The following EPCIP variants were observed in gnomAD, a reference collection of about 807,000 sequenced individuals.
EPCIP encodes the protein exosomal polycystin 1 interacting protein.
At chr21:32,809,311 T>C in the EPCIP span, among the ~76,000 whole-genome samples, 16 of 144,654 alleles carry the variant, frequency 1.1e-4, no homozygotes, top group African/African-American at 3.4e-4. Context: ...TTTCTTTCTT[T>C]CTTTCTTTCT....
the EPCIP span, among the ~76,000 whole-genome samples, chr21:32,793,115 G>T: frequency 6.6e-6 from 1 of 151,904 alleles, no homozygotes; most frequent in East Asian, 1.9e-4. Flanking sequence ...GTGCCACCAT[G>T]CCCGGCTAAT....
the EPCIP span, among the ~76,000 whole-genome samples, chr21:32,806,795 G>T: frequency 6.6e-6 from 1 of 152,194 alleles, no homozygotes; most frequent in Non-Finnish European, 1.5e-5. Flanking sequence ...GGGCTTCCTT[G>T]TTGGTTTACT....
chr21:32,802,767 A>G, the EPCIP span, among the ~76,000 whole-genome samples: 13 of 152,198 alleles, frequency 8.5e-5, no homozygotes, highest in Non-Finnish European at 1.6e-4. Flanking sequence ...CCAGTGGTAC[A>G]GGGAGCAGGA....
the EPCIP span, among the ~76,000 whole-genome samples, chr21:32,804,439 C>G: frequency 6.6e-6 from 1 of 151,874 alleles, no homozygotes; most frequent in African/African-American, 2.4e-5. Flanking sequence ...AGCCACCACA[C>G]CCAGCCTGAA....
the EPCIP span, among the ~76,000 whole-genome samples, chr21:32,810,421 A>ATTT: frequency 3.3e-5 from 4 of 122,630 alleles, no homozygotes; most frequent in East Asian, 2.3e-4. Flanking sequence ...ATGCCCGGTA[A>ATTT]TTTTTTTTTT....
chr21:32,811,354 A>G, the EPCIP span, among the ~76,000 whole-genome samples: 1 of 151,880 alleles, frequency 6.6e-6, no homozygotes, highest in African/African-American at 2.4e-5. Context: ...CTGGTCTCGA[A>G]CTCCTGACCT....
the EPCIP span, chr21:32,793,823 G>A: frequency 1.9e-6 from 3 of 1,614,160 alleles, no homozygotes; most frequent in South Asian, 3.3e-5. Context: ...TCTAAAGTAA[G>A]AAAAGTCAGG....
the EPCIP span, chr21:32,813,610 G>A: frequency 4.2e-6 from 2 of 471,168 alleles, no homozygotes; most frequent in Non-Finnish European, 8.8e-6. Flanking sequence ...GTTCCACCGT[G>A]AGGCCTCGCC....
the EPCIP span, among the ~76,000 whole-genome samples, chr21:32,808,629 A>G: frequency 1.3e-5 from 2 of 152,350 alleles, no homozygotes; most frequent in South Asian, 2.1e-4. Context: ...AATGATGACT[A>G]AAGGTAATGT....
chr21:32,793,615 G>A, the EPCIP span: 5 of 745,612 alleles, frequency 6.7e-6, no homozygotes, highest in East Asian at 1.2e-4. Context: ...CTGGTTATTG[G>A]TATGTGTGGC....
At chr21:32,804,222 A>G in the EPCIP span, among the ~76,000 whole-genome samples, 1 of 151,496 alleles carries the variant, frequency 6.6e-6, no homozygotes, top group African/African-American at 2.4e-5. Context: ...TTGACAGGGC[A>G]CAGGATAATA....
the EPCIP span, chr21:32,791,530 TCTTTCA>T: frequency 6.6e-6 from 1 of 152,212 alleles, no homozygotes; most frequent in Non-Finnish European, 1.5e-5. Context: ...CCTTATTTTT[TCTTTCA>T]CTTTAACATT....
At chr21:32,800,571 A>G in the EPCIP span, among the ~76,000 whole-genome samples, 4 of 152,184 alleles carry the variant, frequency 2.6e-5, no homozygotes, top group African/African-American at 9.7e-5. Flanking sequence ...TAATCCCAGC[A>G]CTCTGGGAGG....
At chr21:32,793,191 A>G in the EPCIP span, among the ~76,000 whole-genome samples, 32 of 152,214 alleles carry the variant, frequency 2.1e-4, no homozygotes, top group African/African-American at 5.8e-4. Context: ...TCCCGACCTC[A>G]GGTGATCCGC....
the EPCIP span, chr21:32,797,005 T>G: frequency 2.6e-6 from 1 of 388,414 alleles, no homozygotes. Flanking sequence ...GATATTGGTT[T>G]GCGGAACATG....
chr21:32,809,279 C>CTTTCTTTCTTTCTTT, the EPCIP span, among the ~76,000 whole-genome samples: 285 of 80,048 alleles, frequency 3.6e-3, 1 homozygote, highest in East Asian at 5.5e-3. Context: ...CTCCCTCCTT[C>CTTTCTTTCTTTCTTT]CTTTCTTTCT....
chr21:32,804,275 T>TTTTATATATATATATATATATATA, the EPCIP span, among the ~76,000 whole-genome samples: 7 of 140,956 alleles, frequency 5.0e-5, no homozygotes, highest in African/African-American at 1.9e-4. Flanking sequence ...ATGCATGTGA[T>TTTTATATATATATATATATATATA]TATATATATA....
chr21:32,796,871 A>G, the EPCIP span: 309,656 of 415,580 alleles, frequency 0.75, 116,826 homozygotes, highest in East Asian at 0.91. Context: ...CCTTAAAAGA[A>G]AAAAGAGGGG....
At chr21:32,794,554 C>T in the EPCIP span, 15 of 810,376 alleles carry the variant, frequency 1.9e-5, no homozygotes, top group Non-Finnish European at 2.7e-5. Flanking sequence ...AAAGGAACCC[C>T]AGAAAAAAAC....
Sources: gnomAD v4.1 joint callset for allele counts (sites outside exome capture counted in the v4.1 genomes callset) on GRCh38, gnomAD v4.1.1 for gene constraint, MANE v1.5 for transcripts, NCBI Gene and HGNC (gene_info 2026-07-23, HGNC 2026-07-21) for gene names.